THSD7A: variants seen among roughly 807,000 people sequenced by gnomAD.
THSD7A encodes the protein thrombospondin type 1 domain containing 7A.
In THSD7A, 96 loss-of-function variants were observed where a neutral mutation model predicts 231.3. The observed-to-expected ratio is 0.41, with a 90% confidence interval of 0.35 to 0.49. THSD7A has a LOEUF of 0.49. Ranked by LOEUF, THSD7A falls within the 20% of genes least tolerant of loss-of-function variation. THSD7A has a pLI of 0.05. For synonymous variants in THSD7A, 940 were observed against 743.3 expected (o/e 1.26, Z -4.30); for missense variants, 2,290 against 2,070.2 (o/e 1.11, Z -2.06).
Position 11,750,908 on chromosome 7 carries a change from C to T in THSD7A, c.190+80849G>A, listed in dbSNP as rs561405700. 1.9e-4 allele frequency among the ~76,000 whole-genome samples: 29 copies of T among 152,070 alleles called. No individual in the cohort carries two copies. In the South Asian group the frequency reaches 5.6e-3, roughly 29 times the overall value. On this transcript the variant is annotated intron_variant, in intron 1 of 27. Transcript: ENST00000423059. ...ACTAGACAATAGAGTCAAAGAGTCA[C>T]TGAGTTTAATCTATCCTAAATTTCA...
intron 4 of THSD7A, among the ~76,000 whole-genome samples, chr7:11,550,288 A>C (rs1789573310): frequency 6.6e-6 from 1 of 152,180 alleles, no homozygotes; most frequent in Non-Finnish European, 1.5e-5. Flanking sequence ...CAGGGAGTGA[A>C]AGATCTCTAG....
intron 7 of THSD7A, among the ~76,000 whole-genome samples, chr7:11,480,489 T>C (rs1172634550): frequency 6.6e-6 from 1 of 152,198 alleles, no homozygotes; most frequent in Non-Finnish European, 1.5e-5. Context: ...TCATACAATC[T>C]TCACGAGGTT....
chr7:11,657,118 C>T (rs543338780), intron 1 of THSD7A, among the ~76,000 whole-genome samples: 1 of 151,738 alleles, frequency 6.6e-6, no homozygotes, highest in Non-Finnish European at 1.5e-5. Flanking sequence ...AATTATAGCT[C>T]TTTGCCATGT....
At chr7:11,496,029 G>A (rs1298041168) in intron 6 of THSD7A, among the ~76,000 whole-genome samples, 4 of 152,134 alleles carry the variant, frequency 2.6e-5, no homozygotes, top group African/African-American at 9.7e-5. Context: ...ATATTCTACA[G>A]AATCAGAAGT....
At chr7:11,438,106 T>G (rs1370475251) in intron 13 of THSD7A, among the ~76,000 whole-genome samples, 1 of 151,956 alleles carries the variant, frequency 6.6e-6, no homozygotes, top group Admixed American at 6.6e-5. Flanking sequence ...CCCTGAGTGA[T>G]ACAAAACAGT....
At position 11,593,333 on chromosome 7, in the gene THSD7A, C is replaced by T. The variant is rs1387856775; in HGVS notation, c.1192G>A (p.Gly398Ser). ...AATTCTGGACACTCCTTTTCACTGCCAATGGGAAACTGCCTGATGGTTCGT... is the reference window on the plus strand; with the variant it reads ...AATTCTGGACACTCCTTTTCACTGCTAATGGGAAACTGCCTGATGGTTCGT... The part of the protein sequence containing the change: ...RTRTIRQFPI[G>S]SEKECPEFEE... The change falls in exon 3 of 28, where the codon GGC (glycine) becomes AGC (serine). Residue 398 changes from glycine (G) to serine (S), a missense_variant. By Grantham distance (56) the Gly-to-Ser change is moderately conservative. Coordinates refer to ENST00000423059, the MANE Select transcript of THSD7A (RefSeq NM_015204.3). 6.2e-7 allele frequency: 1 copy of T among 1,613,982 alleles called. No homozygotes were observed.
Position 11,375,712 on chromosome 7 carries a change from A to G in THSD7A, c.*82T>C. On this transcript the variant is annotated 3_prime_UTR_variant, in exon 28 of 28. Transcript: ENST00000423059. ...AATTAAAATATATTTTAATCCACACAGTTTGGATACATTTGTTGTGGCCTC... is the reference window on the plus strand; with the variant it reads ...AATTAAAATATATTTTAATCCACACGGTTTGGATACATTTGTTGTGGCCTC... 1.8e-6 allele frequency: 2 copies of G among 1,116,618 alleles called. No individual in the cohort carries two copies. The highest frequency in any genetic ancestry group is 2.7e-6 in the Non-Finnish European group (2 of 750,040). 69.2% of individuals were successfully genotyped at this position (1,116,618 alleles called of 1,614,324 possible). A position where few individuals can be genotyped will look rare whatever the true frequency, so the allele number is the denominator to read the frequency against.
At chr7:11,739,217 T>C (rs1466369410) in intron 1 of THSD7A, among the ~76,000 whole-genome samples, 1 of 152,064 alleles carries the variant, frequency 6.6e-6, no homozygotes, top group African/African-American at 2.4e-5. Context: ...AAGGAAATTA[T>C]AATGTTTTAA....
chr7:11,547,483 C>A (rs548842340), intron 4 of THSD7A, among the ~76,000 whole-genome samples: 115 of 152,228 alleles, frequency 7.6e-4, no homozygotes, highest in African/African-American at 2.7e-3. Context: ...CTAAACTTCA[C>A]GCTTGATCAA....
intron 7 of THSD7A, among the ~76,000 whole-genome samples, chr7:11,480,823 G>A (rs573898976): frequency 2.6e-5 from 4 of 151,954 alleles, no homozygotes; most frequent in Non-Finnish European, 5.9e-5. Context: ...AATAGAAAAA[G>A]TATAGGCAAC....
intron 4 of THSD7A, among the ~76,000 whole-genome samples, chr7:11,547,741 A>G (rs759314212): frequency 2.0e-5 from 3 of 152,238 alleles, no homozygotes; most frequent in Admixed American, 6.5e-5. Flanking sequence ...TGGAAATTAA[A>G]GCAACCTTCT....
intron 23 of THSD7A, among the ~76,000 whole-genome samples, chr7:11,393,487 G>T (rs1783064266): frequency 6.6e-6 from 1 of 152,180 alleles, no homozygotes; most frequent in African/African-American, 2.4e-5. Context: ...GCCAGCAGGG[G>T]AACAAAACTG....
intron 6 of THSD7A, among the ~76,000 whole-genome samples, chr7:11,513,016 G>A (rs973975835): frequency 6.9e-6 from 1 of 145,058 alleles, no homozygotes; most frequent in African/African-American, 2.6e-5. Context: ...CCATGACCTG[G>A]ATGAGATTGG....
At chr7:11,722,423 T>C (rs1781388491) in intron 1 of THSD7A, among the ~76,000 whole-genome samples, 1 of 151,902 alleles carries the variant, frequency 6.6e-6, no homozygotes, top group Admixed American at 6.6e-5. Context: ...GAACATAAAA[T>C]TGGTCTTTTG....
intron 6 of THSD7A, among the ~76,000 whole-genome samples, chr7:11,498,307 G>C (rs545972185): frequency 5.3e-5 from 8 of 152,282 alleles, no homozygotes; most frequent in African/African-American, 1.9e-4. Flanking sequence ...TAGCCTTTAG[G>C]CTTTGGAGAT....
chr7:11,427,217 G>C (rs886566188), intron 14 of THSD7A, among the ~76,000 whole-genome samples: 1 of 152,226 alleles, frequency 6.6e-6, no homozygotes, highest in East Asian at 1.9e-4. Flanking sequence ...ACACCTATGT[G>C]ATTTACAATT....
intron 1 of THSD7A, among the ~76,000 whole-genome samples, chr7:11,694,824 T>C (rs1457550317): frequency 6.6e-6 from 1 of 151,570 alleles, no homozygotes; most frequent in African/African-American, 2.4e-5. Context: ...TATAAATTCA[T>C]TTATATGTCT....
At chr7:11,460,947 A>T (rs1231810060) in intron 10 of THSD7A, among the ~76,000 whole-genome samples, 182 bp from the exon 11 acceptor site, 2 of 152,190 alleles carry the variant, frequency 1.3e-5, no homozygotes, top group African/African-American at 2.4e-5. Context: ...ATTAAATATA[A>T]AAGTACTTTC....
chr7:11,569,857 A>C (rs376967843), intron 4 of THSD7A, among the ~76,000 whole-genome samples: 1 of 152,152 alleles, frequency 6.6e-6, no homozygotes, highest in African/African-American at 2.4e-5. Flanking sequence ...AAAGAAATGA[A>C]ATTATGTCAT....
Sources: gnomAD v4.1 joint callset for allele counts (sites outside exome capture counted in the v4.1 genomes callset) on GRCh38, gnomAD v4.1.1 for gene constraint, MANE v1.5 for transcripts, NCBI Gene and HGNC (gene_info 2026-07-23, HGNC 2026-07-21) for gene names.